Variants in DENND5B observed in about 807,000 individuals in gnomAD.
DENND5B encodes the protein DENN domain-containing protein 5B.
DENND5B carries 34 observed loss-of-function variants against 140.6 expected under a neutral mutation model. The observed-to-expected ratio is 0.24, with a 90% confidence interval of 0.18 to 0.32. The LOEUF (loss-of-function observed/expected upper bound fraction) is 0.32, where lower values mean the gene tolerates loss of function less well. Ranked by LOEUF, DENND5B falls within the 10% of genes least tolerant of loss-of-function variation. The probability of loss-of-function intolerance (pLI) is 1.00; values close to 1 mark genes in which losing one functional copy is unlikely to be tolerated. For missense variants in DENND5B, 1,142 were observed against 1,560.2 expected, an observed-to-expected ratio of 0.73 and a Z score of 4.52; for synonymous variants, 551 against 562.1, an observed-to-expected ratio of 0.98 and a Z score of 0.28.
intron 1 of DENND5B, among the ~76,000 whole-genome samples, chr12:31,589,505 T>C (rs963580011): frequency 6.6e-6 from 1 of 152,150 alleles, no homozygotes; most frequent in African/African-American, 2.4e-5. Flanking sequence ...AAGAAGAAGA[T>C]AGCCAAGACG....
At chr12:31,484,836 A>G (rs920070512) in intron 2 of DENND5B, among the ~76,000 whole-genome samples, 6 of 152,018 alleles carry the variant, frequency 3.9e-5, no homozygotes, top group African/African-American at 1.5e-4. Context: ...AAATAAAATA[A>G]AAGCATCATT....
intron 7 of DENND5B, among the ~76,000 whole-genome samples, chr12:31,433,783 G>A (rs1184581556): frequency 6.6e-6 from 1 of 152,080 alleles, no homozygotes; most frequent in African/African-American, 2.4e-5. Flanking sequence ...TGTAATCCTA[G>A]CACTTTGGCC....
intron 1 of DENND5B, among the ~76,000 whole-genome samples, chr12:31,529,140 G>A (rs1323368679): frequency 7.3e-6 from 1 of 137,206 alleles, no homozygotes; most frequent in Non-Finnish European, 1.5e-5. Flanking sequence ...TCCAGCCTGC[G>A]CAACAGAGCG....
chr12:31,535,409 G>GAC (rs969913165), intron 1 of DENND5B, among the ~76,000 whole-genome samples: 131 of 150,068 alleles, frequency 8.7e-4, no homozygotes, highest in Middle Eastern at 3.5e-3. Context: ...GAGAGAGAGA[G>GAC]ACACACACAC....
At chr12:31,439,575 T>A (rs932241153) in intron 7 of DENND5B, among the ~76,000 whole-genome samples, 13 of 152,044 alleles carry the variant, frequency 8.6e-5, no homozygotes, top group African/African-American at 3.1e-4. Context: ...AGTCCTCACA[T>A]ATAGTAAGAG....
chr12:31,449,006 AT>A (rs1304920797), intron 5 of DENND5B, among the ~76,000 whole-genome samples: 4 of 151,038 alleles, frequency 2.6e-5, no homozygotes, highest in Admixed American at 2.0e-4. Context: ...TAAAAGTGTC[AT>A]TTTTTTTTCT....
chr12:31,570,529 G>A (rs1436531000), intron 1 of DENND5B, among the ~76,000 whole-genome samples: 2 of 150,150 alleles, frequency 1.3e-5, no homozygotes, highest in Non-Finnish European at 1.5e-5. Flanking sequence ...CACCCGCCTC[G>A]GCCTCCCAAA....
At chr12:31,443,044 T>TTG (rs60242727) in intron 6 of DENND5B, 119 bp from the exon 7 acceptor site, 337,775 of 505,440 alleles carry the variant, frequency 0.67, 90,511 homozygotes, top group Admixed American at 0.75. Flanking sequence ...GAAACAGATA[T>TTG]TGTGTGTGTG....
intron 4 of DENND5B, among the ~76,000 whole-genome samples, chr12:31,453,542 G>A (rs1055690594): frequency 1.3e-5 from 2 of 152,096 alleles, no homozygotes; most frequent in Admixed American, 1.3e-4. Context: ...CTAGATTGGG[G>A]GGTGGAGTGC....
At chr12:31,548,454 A>G (rs1022993611) in intron 1 of DENND5B, among the ~76,000 whole-genome samples, 3 of 152,080 alleles carry the variant, frequency 2.0e-5, no homozygotes, top group African/African-American at 7.2e-5. Flanking sequence ...AGCAGAACCC[A>G]CAGTATCTAA....
In DENND5B at chr12:31,481,528, C is replaced by A. The variant is rs114178845; in HGVS notation, c.238-1273G>T. Among the ~76,000 whole-genome samples, 629 of 152,180 alleles carry A rather than the reference C, an allele frequency of 4.1e-3. 5 individuals are homozygous for A. The highest frequency in any genetic ancestry group is 0.014 in the African/African-American group (573 of 41,516). Reference sequence around the variant, plus strand: ...ACACACATTAGAAAAGAAGGAGCTACCAGGAAAAAATGAAGCCCAACTGAA... The same window carrying A: ...ACACACATTAGAAAAGAAGGAGCTAACAGGAAAAAATGAAGCCCAACTGAA... On this transcript the variant is annotated intron_variant, in intron 2 of 20. Transcript: ENST00000389082.
chr12:31,399,106 GA>G, intron 16 of DENND5B, among the ~76,000 whole-genome samples: 1 of 100,424 alleles, frequency 1.0e-5, no homozygotes, highest in Non-Finnish European at 1.8e-5. Context: ...TGGGCAACAA[GA>G]GTGAAACTCT....
intron 8 of DENND5B, among the ~76,000 whole-genome samples, chr12:31,431,272 C>T (rs1439494145): frequency 1.3e-5 from 2 of 152,182 alleles, no homozygotes; most frequent in Non-Finnish European, 2.9e-5. Flanking sequence ...TAGCCCTTTA[C>T]AAGTTGGTGT....
chr12:31,417,734 C>T (rs780000141), intron 11 of DENND5B, among the ~76,000 whole-genome samples: 1 of 152,104 alleles, frequency 6.6e-6, no homozygotes, highest in South Asian at 2.1e-4. Context: ...TGTTTGGTCT[C>T]GTGCTCAATG....
chr12:31,448,205 C>A (rs1944355050), intron 5 of DENND5B, among the ~76,000 whole-genome samples: 1 of 151,992 alleles, frequency 6.6e-6, no homozygotes, highest in South Asian at 2.1e-4. Flanking sequence ...ACGATCTCGG[C>A]TCACTGCAAG....
At chr12:31,496,660 T>C (rs1476052865) in intron 1 of DENND5B, among the ~76,000 whole-genome samples, 1 of 152,106 alleles carries the variant, frequency 6.6e-6, no homozygotes, top group Non-Finnish European at 1.5e-5. Flanking sequence ...GCCCAGGAAT[T>C]TGAAACCAGC....
At chr12:31,449,068 A>C (rs1348450980) in intron 5 of DENND5B, among the ~76,000 whole-genome samples, 2 of 152,152 alleles carry the variant, frequency 1.3e-5, no homozygotes, top group Non-Finnish European at 2.9e-5. Context: ...TCAATGCAGT[A>C]CTAAAATCTG....
At position 31,538,360 on chromosome 12, in the gene DENND5B, G is replaced by A. The variant is rs200904634; in HGVS notation, c.128-42441C>T. Among the ~76,000 whole-genome samples the A allele has an allele frequency of 2.7e-4, 41 of 151,904 alleles. No homozygotes were observed. In the East Asian group the frequency reaches 4.8e-3, roughly 18 times the overall value. ...TAAAACTAGAGATCAATAATAAGTG[G>A]AATTATTGAAAATTTTCTTGAAATA... On this transcript the variant is annotated intron_variant, in intron 1 of 20. Transcript: ENST00000389082.
intron 5 of DENND5B, 103 bp from the exon 6 acceptor site, chr12:31,447,872 C>T (rs986203403): frequency 1.1e-4 from 89 of 816,638 alleles, no homozygotes; most frequent in Non-Finnish European, 1.4e-4. Context: ...TTTTTTAAAT[C>T]TTATAAAACT....
Sources: gnomAD v4.1 joint callset for allele counts (sites outside exome capture counted in the v4.1 genomes callset) on GRCh38, gnomAD v4.1.1 for gene constraint, MANE v1.5 for transcripts, NCBI Gene and HGNC (gene_info 2026-07-23, HGNC 2026-07-21) for gene names.